PTPRZ1: variants seen among roughly 807,000 people sequenced by gnomAD.
PTPRZ1 encodes receptor-type tyrosine-protein phosphatase zeta.
In PTPRZ1, 82 loss-of-function variants were observed where a neutral mutation model predicts 214.1. That is an observed-to-expected ratio of 0.38 (90% CI 0.32 to 0.46). The LOEUF (loss-of-function observed/expected upper bound fraction) is 0.46. Among genes scored for constraint, PTPRZ1 ranks in the 20% least tolerant of loss-of-function variants. The pLI is 1.00. For missense variants in PTPRZ1, 2,603 were observed against 2,748.7 expected, an observed-to-expected ratio of 0.95 and a Z score of 1.19; for synonymous variants, 945 against 987.9, an observed-to-expected ratio of 0.96 and a Z score of 0.81.
At chr7:121,922,644 T>C (rs1377426850) in intron 1 of PTPRZ1, among the ~76,000 whole-genome samples, 1 of 152,222 alleles carries the variant, frequency 6.6e-6, no homozygotes, top group Non-Finnish European at 1.5e-5. Context: ...AAAAGACTTA[T>C]TTTGTTTCCA....
At chr7:121,973,743 G>T (rs1009976848) in intron 4 of PTPRZ1, among the ~76,000 whole-genome samples, 18 of 151,998 alleles carry the variant, frequency 1.2e-4, no homozygotes, top group Non-Finnish European at 7.4e-5. Context: ...AGACCAGCCT[G>T]GCCAACATGG....
intron 23 of PTPRZ1, among the ~76,000 whole-genome samples, chr7:122,044,880 A>T (rs1799839338): frequency 6.6e-6 from 1 of 151,770 alleles, no homozygotes; most frequent in African/African-American, 2.4e-5. Context: ...ATACTATATA[A>T]GTGCTCTTTT....
chr7:121,961,008 C>T (rs1796859779), intron 2 of PTPRZ1, among the ~76,000 whole-genome samples: 1 of 151,870 alleles, frequency 6.6e-6, no homozygotes, highest in Non-Finnish European at 1.5e-5. Context: ...AAGAAAGGTA[C>T]TGAAACATTT....
At chr7:122,000,650 T>C (rs1408960431) in intron 10 of PTPRZ1, among the ~76,000 whole-genome samples, 2 of 4,998 alleles carry the variant, frequency 4.0e-4, no homozygotes, top group African/African-American at 1.2e-3. Context: ...AGATTTCATA[T>C]ATATATATAT....
intron 1 of PTPRZ1, among the ~76,000 whole-genome samples, chr7:121,912,717 A>G (rs1051257565): frequency 3.3e-5 from 5 of 152,154 alleles, no homozygotes; most frequent in African/African-American, 1.2e-4. Flanking sequence ...GAGTGGTGGC[A>G]TCTGTCTCTA....
At chr7:121,908,932 T>C (rs1328356190) in intron 1 of PTPRZ1, 1 of 517,046 alleles carries the variant, frequency 1.9e-6, no homozygotes, top group Non-Finnish European at 3.9e-6. Context: ...TGGGAATTCA[T>C]TTAGGATTTG....
intron 2 of PTPRZ1, among the ~76,000 whole-genome samples, chr7:121,928,996 G>A (rs1406925531): frequency 3.3e-5 from 5 of 152,124 alleles, no homozygotes; most frequent in African/African-American, 4.8e-5. Context: ...AGATTACAAG[G>A]GCTTTACCAT....
At chr7:122,024,551 C>A (rs1799151496) in intron 13 of PTPRZ1, among the ~76,000 whole-genome samples, 1 of 152,018 alleles carries the variant, frequency 6.6e-6, no homozygotes, top group Non-Finnish European at 1.5e-5. Context: ...TATACCTAAC[C>A]AATATGCAAA....
At chr7:121,956,572 A>G (rs1166758006) in intron 2 of PTPRZ1, among the ~76,000 whole-genome samples, 1 of 152,264 alleles carries the variant, frequency 6.6e-6, no homozygotes, top group Non-Finnish European at 1.5e-5. Context: ...CACAATCTAG[A>G]AACATAACCA....
At chr7:121,948,901 AGT>A (rs1796467967) in intron 2 of PTPRZ1, among the ~76,000 whole-genome samples, 1 of 152,138 alleles carries the variant, frequency 6.6e-6, no homozygotes, top group Non-Finnish European at 1.5e-5. Flanking sequence ...AACATTATAT[AGT>A]GTTACTTCCT....
At chr7:122,033,609 G>A (rs1438705775) in intron 15 of PTPRZ1, among the ~76,000 whole-genome samples, 3 of 151,980 alleles carry the variant, frequency 2.0e-5, no homozygotes, top group Non-Finnish European at 4.4e-5. Context: ...TTTAGGAAAT[G>A]ATTAATGTTT....
chr7:121,943,180 C>T, intron 2 of PTPRZ1, among the ~76,000 whole-genome samples: 1 of 151,988 alleles, frequency 6.6e-6, no homozygotes, highest in East Asian at 1.9e-4. Context: ...ATTTAAATAA[C>T]ATTAAAGATA....
chr7:121,984,319 C>G (rs1563050511), intron 8 of PTPRZ1, among the ~76,000 whole-genome samples: 1 of 152,072 alleles, frequency 6.6e-6, no homozygotes, highest in Non-Finnish European at 1.5e-5. Flanking sequence ...CTATTCTTCC[C>G]ATAAGAATAA....
intron 1 of PTPRZ1, among the ~76,000 whole-genome samples, chr7:121,904,992 A>G (rs1795074957): frequency 6.6e-6 from 1 of 152,214 alleles, no homozygotes; most frequent in Non-Finnish European, 1.5e-5. Context: ...GCTGTCTACG[A>G]AAGTTGTTTA....
rs117780237 is a variant in PTPRZ1 at position 121,884,951 on chromosome 7, C to A, written c.58+11394C>A. 2.5e-4 allele frequency among the ~76,000 whole-genome samples: 38 copies of A among 152,248 alleles called. No homozygotes were observed. The East Asian group carries it at 6.9e-3, about 28-fold the overall frequency. ...AGTTGCATTCAGTATTACGAGCCTC[C>A]TTTGTGTCCCTCCCCGTCATTTTTA... On this transcript the variant is annotated intron_variant, in intron 1 of 29. Coordinates refer to ENST00000393386, the MANE Select transcript of PTPRZ1 (RefSeq NM_002851.3).
intron 27 of PTPRZ1, among the ~76,000 whole-genome samples, chr7:122,057,025 C>A (rs912324236): frequency 2.4e-4 from 36 of 151,960 alleles, no homozygotes; most frequent in Middle Eastern, 3.4e-3. Flanking sequence ...ATTTTACATG[C>A]AAATTATTAC....
intron 2 of PTPRZ1, among the ~76,000 whole-genome samples, chr7:121,933,579 G>C (rs1273064298): frequency 1.3e-5 from 2 of 152,102 alleles, no homozygotes; most frequent in South Asian, 2.1e-4. Flanking sequence ...TAGAATGAGA[G>C]AGTCTTTAAA....
chr7:121,882,645 G>A (rs1794276895), intron 1 of PTPRZ1, among the ~76,000 whole-genome samples: 1 of 152,176 alleles, frequency 6.6e-6, no homozygotes, highest in African/African-American at 2.4e-5. Context: ...GTTTTGAGCA[G>A]TGAAATGACT....
Position 122,013,828 on chromosome 7 carries a change from A to T in PTPRZ1, c.4782A>T (p.Pro1594=). The part of the protein sequence containing the change: ...AGDSEITPGF[P]QSPTSSVTSE... ...ACTCAGAAATAACTCCTGGATTCCCACAGTCCCCAACATCATCTGTTACTA... is the reference window on the plus strand; with the variant it reads ...ACTCAGAAATAACTCCTGGATTCCCTCAGTCCCCAACATCATCTGTTACTA... Residue 1594 remains proline (P), a synonymous_variant, in exon 12 of 30, where the codon CCA becomes CCT. Coordinates refer to ENST00000393386, the MANE Select transcript of PTPRZ1 (RefSeq NM_002851.3). 6.2e-7 allele frequency: 1 copy of T among 1,614,074 alleles called. No homozygotes were observed. Among genetic ancestry groups the T allele is most frequent in the African/African-American group, 1.3e-5 (1 of 75,046 alleles).
Sources: allele counts gnomAD v4.1 joint callset (sites outside exome capture counted in the v4.1 genomes callset), GRCh38; gene constraint gnomAD v4.1.1; transcripts MANE v1.5; gene names NCBI Gene and HGNC (gene_info 2026-07-23, HGNC 2026-07-21).